SACS: variants seen among roughly 807,000 people sequenced by gnomAD.
The protein encoded by SACS is sacsin molecular chaperone, also known as sacsin.
In SACS, 197 loss-of-function variants were observed where a neutral mutation model predicts 348.0. The ratio of observed to expected loss-of-function variants is 0.57; its 90% confidence interval spans 0.50 to 0.64. The LOEUF (loss-of-function observed/expected upper bound fraction) is 0.64. SACS is among the 30% of genes least tolerant of loss of function. The pLI is 0.00. For missense variants in SACS, 4,999 were observed against 5,360.8 expected, an observed-to-expected ratio of 0.93 and a Z score of 2.11; for synonymous variants, 1,985 against 1,910.6, an observed-to-expected ratio of 1.04 and a Z score of -1.02.
At position 23,334,881 on chromosome 13, in the gene SACS, G is replaced by A. The variant is rs1428148281; in HGVS notation, c.8995C>T (p.Pro2999Ser). Residue 2999 changes from proline (P) to serine (S), a missense_variant, in exon 10 of 10, where the codon CCA becomes TCA. By Grantham distance (74) the Pro-to-Ser change is moderately conservative. This residue lies in a region of SACS where 734 missense variants were observed against 694.0 expected (regional missense o/e 1.06). Coordinates refer to ENST00000382292, the MANE Select transcript of SACS (RefSeq NM_014363.6). ...TGCAAGTCAGAGCCATCAATATTTG[G>A]AGCCCGCACAACAGGTAAAAGACGT... is the stretch of plus-strand genomic sequence containing the variant. Reference protein sequence around the residue: ...MKRLLPVVRAPNIDGSDLHSA... With the variant: ...MKRLLPVVRASNIDGSDLHSA... 3 of 1,613,730 alleles carry A rather than the reference G, an allele frequency of 1.9e-6. No individual in the cohort carries two copies. The highest frequency in any genetic ancestry group is 2.5e-6 in the Non-Finnish European group (3 of 1,179,854).
rs779640503 is a variant in SACS, at chr13:23,334,645, A to G, written c.9231T>C (p.Ala3077=). 6.2e-7 allele frequency: 1 copy of G among 1,613,576 alleles called. No individual in the cohort carries two copies. The highest frequency in any genetic ancestry group is 1.1e-5 in the South Asian group (1 of 91,068). ...FNLVYNCDET[A]NLYHCLIDAD... The stretch of plus-strand genomic sequence containing the variant: ...CATCTATAAGACAGTGGTAAAGATT[A>G]GCAGTTTCATCACAGTTATAAACCA... The change falls in exon 10 of 10, where the codon GCT becomes GCC. Residue 3077 remains alanine (A), a synonymous_variant. Transcript: ENST00000382292.
rs1301367390 is a variant in SACS at position 23,333,573 on chromosome 13, T to A, written c.10303A>T (p.Ser3435Cys). Reference protein sequence around the residue: ...KFGTCYVLTKSIPSAEVEKWT... With the variant: ...KFGTCYVLTKCIPSAEVEKWT... ...TTCTCCACTTCAGCTGAAGGGATAC[T>A]TTTTGTAAGTACGTAGCATGTTCCA... The change falls in exon 10 of 10, where the codon AGT becomes TGT. Residue 3435 changes from serine to cysteine, a missense_variant. This residue lies in a region of SACS where 734 missense variants were observed against 694.0 expected (regional missense o/e 1.06). Transcript: ENST00000382292. 1 of 1,613,672 alleles carries A rather than the reference T, an allele frequency of 6.2e-7. No homozygotes were observed.
chr13:23,347,011 G>T (rs1869649687), intron 9 of SACS, among the ~76,000 whole-genome samples: 1 of 152,150 alleles, frequency 6.6e-6, no homozygotes, highest in Non-Finnish European at 1.5e-5. Context: ...ACACATCTAA[G>T]ATTTAAAGCT....
chr13:23,427,801 C>G (rs983185581), intron 1 of SACS: 1 of 152,266 alleles, frequency 6.6e-6, no homozygotes, highest in African/African-American at 2.4e-5. Context: ...TTCCCAGAAA[C>G]TAGGACAGCA....
intron 2 of SACS, among the ~76,000 whole-genome samples, chr13:23,386,735 T>C (rs1458761413): frequency 6.6e-6 from 1 of 152,202 alleles, no homozygotes; most frequent in African/African-American, 2.4e-5. Flanking sequence ...AGCTTAGTCA[T>C]TTCTAGCTTT....
At chr13:23,409,213 C>T (rs1473767817) in intron 2 of SACS, among the ~76,000 whole-genome samples, 7 of 149,004 alleles carry the variant, frequency 4.7e-5, no homozygotes, top group African/African-American at 1.7e-4. Context: ...CCCACCACCA[C>T]GCCCAGCTAG....
intron 2 of SACS, among the ~76,000 whole-genome samples, chr13:23,389,042 T>G (rs956169322): frequency 6.6e-6 from 1 of 152,262 alleles, no homozygotes; most frequent in Non-Finnish European, 1.5e-5. Flanking sequence ...CTGAATGTCT[T>G]ACATTCTTTA....
At chr13:23,384,882 AT>A (rs1872209557) in intron 2 of SACS, among the ~76,000 whole-genome samples, 1 of 152,168 alleles carries the variant, frequency 6.6e-6, no homozygotes, top group South Asian at 2.1e-4. Context: ...GTCACATAAT[AT>A]TTTGTTTTCC....
intron 1 of SACS, among the ~76,000 whole-genome samples, chr13:23,420,279 T>C (rs1364169896): frequency 6.6e-6 from 1 of 152,146 alleles, no homozygotes; most frequent in Non-Finnish European, 1.5e-5. Flanking sequence ...GACTGGTGTC[T>C]AGATGGGGTC....
rs776804633 is a variant in SACS, at chr13:23,355,671, T to C, written c.941A>G (p.Gln314Arg). 3.1e-5 allele frequency: 50 copies of C among 1,614,070 alleles called. No individual in the cohort carries two copies. The highest frequency in any genetic ancestry group is 4.2e-5 in the Non-Finnish European group (49 of 1,180,046). The change falls in exon 8 of 10, where the codon CAG becomes CGG. Residue 314 changes from glutamine to arginine, a missense_variant. By Grantham distance (43) the Gln-to-Arg change is conservative. This residue lies in a region of SACS where 3,156 missense variants were observed against 3,380.1 expected (regional missense o/e 0.93). Transcript: ENST00000382292. ...CTCTCGGACATATAAGGAAACATCC[T>C]GCACACTTTTCAGAAAGAGCAGCAC... ...DTVLLFLKSV[Q>R]DVSLYVREAD...
Position 23,338,221 on chromosome 13 carries a change from A to G in SACS, c.5655T>C (p.His1885=), listed in dbSNP as rs1269144402. The change falls in exon 10 of 10, where the codon CAT becomes CAC. Residue 1885 remains histidine, a synonymous_variant. Coordinates refer to ENST00000382292, the MANE Select transcript of SACS (RefSeq NM_014363.6). The stretch of plus-strand genomic sequence containing the variant: ...ATGTAACAGCAAAGCACCCATTGAT[A>G]TGAACTGGCAAGCCTGTTTTTATTC... ...PLRIKTGLPV[H]INGCFAVTSN... The G allele has an allele frequency of 6.2e-7, 1 of 1,614,134 alleles. No homozygotes were observed. Among genetic ancestry groups the G allele is most frequent in the Non-Finnish European group, 8.5e-7 (1 of 1,180,004 alleles).
At chr13:23,407,838 T>C (rs1283564441) in intron 2 of SACS, among the ~76,000 whole-genome samples, 1 of 152,172 alleles carries the variant, frequency 6.6e-6, no homozygotes, top group Non-Finnish European at 1.5e-5. Context: ...TGACTCCGGC[T>C]ATCTGATCAC....
At chr13:23,405,655 G>A (rs1335349798) in intron 2 of SACS, among the ~76,000 whole-genome samples, 2 of 151,646 alleles carry the variant, frequency 1.3e-5, no homozygotes, top group Non-Finnish European at 2.9e-5. Flanking sequence ...CTGACAAAGG[G>A]CTAATATCCA....
chr13:23,393,610 C>A (rs1230765201), intron 2 of SACS, among the ~76,000 whole-genome samples: 1 of 152,166 alleles, frequency 6.6e-6, no homozygotes, highest in East Asian at 1.9e-4. Flanking sequence ...CCATTGTGAT[C>A]TCATCAAAAA....
intron 5 of SACS, among the ~76,000 whole-genome samples, chr13:23,367,931 T>A (rs916379303): frequency 6.6e-6 from 1 of 152,166 alleles, no homozygotes; most frequent in Non-Finnish European, 1.5e-5. Context: ...AAAAAACATA[T>A]TACAAAAAGA....
chr13:23,423,627 ATTTGTGATGTGCT>A (rs1404533734), intron 1 of SACS, among the ~76,000 whole-genome samples: 1 of 152,114 alleles, frequency 6.6e-6, no homozygotes, highest in East Asian at 1.9e-4. Context: ...TGCAAAGAAC[ATTTGTGATGTGCT>A]TTATTATATC....
intron 4 of SACS, among the ~76,000 whole-genome samples, chr13:23,369,645 C>G (rs1184051120): frequency 1.3e-5 from 2 of 151,240 alleles, no homozygotes; most frequent in African/African-American, 4.9e-5. Flanking sequence ...CCCAGGTTCA[C>G]GCCATTCCCC....
intron 2 of SACS, among the ~76,000 whole-genome samples, chr13:23,382,505 A>C (rs1018272171): frequency 6.6e-6 from 1 of 152,220 alleles, no homozygotes; most frequent in Non-Finnish European, 1.5e-5. Flanking sequence ...AAATAGTTAT[A>C]AAATGAAAAA....
rs758143914 is a variant in SACS at position 23,337,421 on chromosome 13, C to T, written c.6455G>A (p.Gly2152Asp). 5.6e-6 allele frequency: 9 copies of T among 1,612,568 alleles called. No homozygotes were observed. In the East Asian group the frequency reaches 6.7e-5, roughly 12 times the overall value. Reference sequence around the variant, plus strand: ...CCATAAAATATCATCTTTTGCCATACCTAACTGAACTAGTTTAATCAAAAT... The same window carrying T: ...CCATAAAATATCATCTTTTGCCATATCTAACTGAACTAGTTTAATCAAAAT... ...PIILIKLVQL[G>D]MAKDDILWDD... The change falls in exon 10 of 10, where the codon GGT (glycine) becomes GAT (aspartate). Residue 2152 changes from glycine to aspartate, a missense_variant. This residue lies in a region of SACS where 3,156 missense variants were observed against 3,380.1 expected (regional missense o/e 0.93). Coordinates refer to ENST00000382292, the MANE Select transcript of SACS (RefSeq NM_014363.6).
Sources: allele counts gnomAD v4.1 joint callset (sites outside exome capture counted in the v4.1 genomes callset), GRCh38; gene constraint gnomAD v4.1.1; regional missense constraint gnomAD v4.1.1; transcripts MANE v1.5; gene names NCBI Gene and HGNC (gene_info 2026-07-23, HGNC 2026-07-21).